SLC25A32: variants seen among roughly 807,000 people sequenced by gnomAD.
The protein encoded by SLC25A32 is solute carrier family 25 member 32, also known as Glycine auxotroph B, complementation of hamster.
A neutral mutation model predicts 39.0 loss-of-function variants in SLC25A32; 32 were observed. That is an observed-to-expected ratio of 0.82 (90% CI 0.62 to 1.10). The LOEUF (loss-of-function observed/expected upper bound fraction) is 1.10, where lower values mean the gene tolerates loss of function less well. Ranked by LOEUF, SLC25A32 falls within the 50% of genes least tolerant of loss-of-function variation. The pLI, the probability that SLC25A32 is intolerant of heterozygous loss-of-function variation, is 0.00. For synonymous variants in SLC25A32, 166 were observed against 152.4 expected (o/e 1.09, Z -0.66); for missense variants, 367 against 395.3 (o/e 0.93, Z 0.61).
intron 6 of SLC25A32, 124 bp downstream of exon 6, chr8:103,401,392 G>A: frequency 1.3e-6 from 1 of 773,394 alleles, no homozygotes; most frequent in Non-Finnish European, 2.0e-6. Context: ...GGGAAAGCAG[G>A]GACCACCAAT....
At chr8:103,400,616 G>A in intron 6 of SLC25A32, 70 bp from the exon 7 acceptor site, 1 of 1,508,270 alleles carries the variant, frequency 6.6e-7, no homozygotes, top group South Asian at 1.1e-5. Context: ...AGTTCTAACT[G>A]ACACAAGGCA....
intron 1 of SLC25A32, among the ~76,000 whole-genome samples, chr8:103,413,296 A>G (rs1255356498): frequency 1.3e-5 from 2 of 152,232 alleles, no homozygotes; most frequent in African/African-American, 4.8e-5. Flanking sequence ...ACAGACAGCA[A>G]GTCATACAGG....
In SLC25A32 at chr8:103,407,759, C is replaced by T. The variant is rs780204799; in HGVS notation, c.180G>A (p.Pro60=). 55 of 1,612,990 alleles carry T rather than the reference C, an allele frequency of 3.4e-5. No individual in the cohort carries two copies. The highest frequency in any genetic ancestry group is 3.3e-4 in the Middle Eastern group (2 of 6,074). The change falls in exon 2 of 7, where the codon CCG becomes CCA. Residue 60 remains proline, a synonymous_variant. Transcript: ENST00000297578. ...FAVSDGLELR[P]KYNGILHCLT... Reference sequence around the variant, plus strand: ...AGCAATGTAAAATTCCATTATATTTCGGTCTCAGTTCCAATCCATCACTCA... The same window carrying T: ...AGCAATGTAAAATTCCATTATATTTTGGTCTCAGTTCCAATCCATCACTCA...
intron 1 of SLC25A32, among the ~76,000 whole-genome samples, chr8:103,410,846 T>G (rs1440590055): frequency 6.6e-6 from 1 of 152,126 alleles, no homozygotes; most frequent in Admixed American, 6.5e-5. Context: ...GACAATATAA[T>G]GACTTTAAAA....
rs1414064709 is a variant in SLC25A32, at chr8:103,399,326, T to C, written c.*1085A>G. On this transcript the variant is annotated 3_prime_UTR_variant, in exon 7 of 7. Coordinates refer to ENST00000297578, the MANE Select transcript of SLC25A32 (RefSeq NM_030780.5). ...ATCTGTAATAAGTGATTTATAGTTATATATGCTAAATAAAGGTTGACACAG... is the reference window on the plus strand; with the variant it reads ...ATCTGTAATAAGTGATTTATAGTTACATATGCTAAATAAAGGTTGACACAG... 1 of 152,234 alleles carries C rather than the reference T, an allele frequency of 6.6e-6. No homozygotes were observed. Among genetic ancestry groups the C allele is most frequent in the Non-Finnish European group, 1.5e-5 (1 of 68,044 alleles). The allele number at this position is 152,234 out of a possible 1,614,324, so 9.4% of individuals were successfully genotyped here.
At position 103,403,205 on chromosome 8, in the gene SLC25A32, C is replaced by A. The variant is rs1049910244; in HGVS notation, c.511G>T (p.Val171Leu). ...ACACCTTCATACTTATATATTTTCA[C>A]AAGTGTATCAAACATTCCTTTATAT... ...RQYKGMFDTL[V>L]KIYKYEGVRG... is the part of the protein sequence containing the mutation. The change falls in exon 4 of 7, where the codon GTG (valine) becomes TTG (leucine). Residue 171 changes from valine to leucine, a missense_variant. By Grantham distance (32) the Val-to-Leu change is conservative (BLOSUM62 1). Coordinates refer to ENST00000297578, the MANE Select transcript of SLC25A32 (RefSeq NM_030780.5). 2 of 1,611,236 alleles carry A rather than the reference C, an allele frequency of 1.2e-6. No homozygotes were observed.
At chr8:103,401,841 C>T (rs1196029829) in intron 5 of SLC25A32, 100 bp downstream of exon 5, 2 of 1,011,656 alleles carry the variant, frequency 2.0e-6, no homozygotes, top group East Asian at 5.2e-5. Flanking sequence ...AGCCAGTACT[C>T]ATCATCATAG....
At position 103,412,904 on chromosome 8, in the gene SLC25A32, A is replaced by T. The variant is rs572177794; in HGVS notation, c.154+1880T>A. 2.2e-4 allele frequency among the ~76,000 whole-genome samples: 34 copies of T among 152,326 alleles called. No individual in the cohort carries two copies. In the South Asian group the frequency reaches 5.2e-3, roughly 23 times the overall value. On this transcript the variant is annotated intron_variant, in intron 1 of 6. Coordinates refer to ENST00000297578, the MANE Select transcript of SLC25A32 (RefSeq NM_030780.5). ...AGTTTAATTACATGGAAGCATAAAA[A>T]TTATAGTATGTTACTCAGCACTGAT...
chr8:103,400,852 G>A (rs1037110117), intron 6 of SLC25A32, among the ~76,000 whole-genome samples: 4 of 152,166 alleles, frequency 2.6e-5, no homozygotes, highest in African/African-American at 4.8e-5. Flanking sequence ...TTGACCTAAT[G>A]TAGGCATTAA....
chr8:103,406,832 C>G (rs576499423), intron 2 of SLC25A32, among the ~76,000 whole-genome samples: 8 of 152,292 alleles, frequency 5.3e-5, no homozygotes, highest in Non-Finnish European at 7.4e-5. Flanking sequence ...TCTTGGGAAT[C>G]TGGTTGAGGA....
At chr8:103,411,517 C>T (rs1260257752) in intron 1 of SLC25A32, among the ~76,000 whole-genome samples, 3 of 152,104 alleles carry the variant, frequency 2.0e-5, no homozygotes, top group African/African-American at 4.8e-5. Flanking sequence ...TTCAAAGGCA[C>T]TTTGGAGTTC....
At position 103,410,893 on chromosome 8, in the gene SLC25A32, G is replaced by A. The variant is rs140334859; in HGVS notation, c.155-3109C>T. 2.0e-3 allele frequency among the ~76,000 whole-genome samples: 298 copies of A among 152,218 alleles called. 2 individuals are homozygous for A. The highest frequency in any genetic ancestry group is 3.6e-3 in the Non-Finnish European group (243 of 68,002). On this transcript the variant is annotated intron_variant, in intron 1 of 6. Transcript: ENST00000297578. Reference sequence around the variant, plus strand: ...TAGCACTATCACCCTTACACAACCTGTTTCATTTGCTGGATGTTAGTTTTA... The same window carrying A: ...TAGCACTATCACCCTTACACAACCTATTTCATTTGCTGGATGTTAGTTTTA...
chr8:103,402,131 T>C (rs1289789463), intron 4 of SLC25A32, 77 bp from the exon 5 acceptor site: 1 of 914,560 alleles, frequency 1.1e-6, no homozygotes, highest in East Asian at 2.8e-5. Context: ...TACTTTCTCT[T>C]CTCTCTCATT....
At chr8:103,413,419 T>C (rs1816509618) in intron 1 of SLC25A32, among the ~76,000 whole-genome samples, 1 of 152,230 alleles carries the variant, frequency 6.6e-6, no homozygotes, top group Non-Finnish European at 1.5e-5. Flanking sequence ...CAGAGTTAGA[T>C]TACCTGGGTT....
chr8:103,411,203 G>C (rs1320593493), intron 1 of SLC25A32, among the ~76,000 whole-genome samples: 1 of 152,186 alleles, frequency 6.6e-6, no homozygotes, highest in African/African-American at 2.4e-5. Flanking sequence ...GGTCAAAAAT[G>C]CTTGTTCTAG....
chr8:103,413,818 C>G (rs1816521917), intron 1 of SLC25A32, among the ~76,000 whole-genome samples: 1 of 152,204 alleles, frequency 6.6e-6, no homozygotes, highest in African/African-American at 2.4e-5. Context: ...TCCACTGAAC[C>G]TTAAAGATAC....
intron 1 of SLC25A32, among the ~76,000 whole-genome samples, chr8:103,411,172 T>G (rs879032540): frequency 6.6e-6 from 1 of 152,204 alleles, no homozygotes; most frequent in Admixed American, 6.5e-5. Context: ...AAGGTAAAAT[T>G]TATTTCCTAC....
At chr8:103,406,067 A>G (rs13272915) in intron 2 of SLC25A32, among the ~76,000 whole-genome samples, 22,205 of 122,194 alleles carry the variant, frequency 0.18, 1,740 homozygotes, top group East Asian at 0.32. Flanking sequence ...GTGTGTGTGT[A>G]TATATATATA....
At chr8:103,409,842 T>G (rs1457449134) in intron 1 of SLC25A32, among the ~76,000 whole-genome samples, 1 of 152,230 alleles carries the variant, frequency 6.6e-6, no homozygotes, top group African/African-American at 2.4e-5. Flanking sequence ...ACCTCCCTAA[T>G]TCGCTACATG....
Sources: allele counts gnomAD v4.1 joint callset (sites outside exome capture counted in the v4.1 genomes callset), GRCh38; gene constraint gnomAD v4.1.1; transcripts MANE v1.5; gene names NCBI Gene and HGNC (gene_info 2026-07-23, HGNC 2026-07-21).